The following GAREM1 variants were observed in gnomAD, a reference collection of about 807,000 sequenced individuals.
GAREM1 encodes the protein GRB2-associated and regulator of MAPK protein 1.
GAREM1 carries 26 observed loss-of-function variants against 71.3 expected under a neutral mutation model. The ratio of observed to expected loss-of-function variants is 0.36; its 90% CI spans 0.27 to 0.51. GAREM1 has a LOEUF of 0.51. GAREM1 is among the 20% of genes least tolerant of loss of function. The pLI is 0.95. For synonymous variants in GAREM1, 440 were observed against 433.2 expected, an observed-to-expected ratio of 1.02 and a Z score of -0.20; for missense variants, 1,026 against 1,103.1, an observed-to-expected ratio of 0.93 and a Z score of 0.99.
intron 2 of GAREM1, among the ~76,000 whole-genome samples, chr18:32,365,325 A>G (rs2047920362): frequency 6.6e-6 from 1 of 152,350 alleles, no homozygotes; most frequent in South Asian, 2.1e-4. Context: ...TTTATTCAAC[A>G]GAACAAAAAA....
At chr18:32,362,419 T>A (rs1267619436) in intron 2 of GAREM1, among the ~76,000 whole-genome samples, 1 of 152,208 alleles carries the variant, frequency 6.6e-6, no homozygotes, top group East Asian at 1.9e-4. Context: ...ACAAATAATA[T>A]TTGAAATTAC....
intron 3 of GAREM1, 112 bp downstream of exon 3, chr18:32,310,081 G>C (rs1197229170): frequency 8.2e-7 from 1 of 1,216,116 alleles, no homozygotes; most frequent in East Asian, 2.4e-5. Flanking sequence ...CTAACTATTA[G>C]AAGATAAAAC....
At chr18:32,380,198 G>A (rs1040417394) in intron 2 of GAREM1, among the ~76,000 whole-genome samples, 11 of 152,048 alleles carry the variant, frequency 7.2e-5, no homozygotes, top group African/African-American at 1.9e-4. Flanking sequence ...AGTCTCGGCC[G>A]GGAGCAGTGG....
chr18:32,384,134 T>C (rs1291619637), intron 2 of GAREM1, among the ~76,000 whole-genome samples: 1 of 152,188 alleles, frequency 6.6e-6, no homozygotes, highest in Non-Finnish European at 1.5e-5. Flanking sequence ...AATAATTAAA[T>C]CACTACCATC....
chr18:32,364,026 ATGTTT>A (rs1164760601), intron 2 of GAREM1, among the ~76,000 whole-genome samples: 3 of 46,418 alleles, frequency 6.5e-5, no homozygotes, highest in African/African-American at 4.9e-4. Context: ...ATATATATAT[ATGTTT>A]TTTTTTTTTT....
rs969063340 is a variant in GAREM1 at position 32,420,737 on chromosome 18, C to T, written c.122-27702G>A. ...ACCAGCCTGGGCAACACAGTGAGAC[C>T]CCCTTCTCTTCAAAAATGAAAAAAA... is the stretch of plus-strand genomic sequence containing the variant. On this transcript the variant is annotated intron_variant, in intron 1 of 5. Transcript: ENST00000269209. Among the ~76,000 whole-genome samples, 3 of 150,330 alleles carry T rather than the reference C, an allele frequency of 2.0e-5. No homozygotes were observed. In the Admixed American group the frequency reaches 2.0e-4, roughly 10 times the overall value.
chr18:32,341,875 T>C (rs2047651080), intron 2 of GAREM1, among the ~76,000 whole-genome samples: 1 of 152,028 alleles, frequency 6.6e-6, no homozygotes, highest in Non-Finnish European at 1.5e-5. Flanking sequence ...GATAAAATCA[T>C]CGGCGATGGG....
chr18:32,350,758 A>C (rs1005587121), intron 2 of GAREM1, among the ~76,000 whole-genome samples: 18 of 152,178 alleles, frequency 1.2e-4, no homozygotes, highest in South Asian at 4.1e-4. Context: ...GTAGAAACAA[A>C]CAACCAAGTG....
At chr18:32,337,625 C>T (rs2047610144) in intron 2 of GAREM1, among the ~76,000 whole-genome samples, 2 of 152,158 alleles carry the variant, frequency 1.3e-5, no homozygotes. Flanking sequence ...GCAGAATATT[C>T]AAAACTAAGA....
At chr18:32,377,414 C>T (rs1005869661) in intron 2 of GAREM1, among the ~76,000 whole-genome samples, 2 of 152,088 alleles carry the variant, frequency 1.3e-5, no homozygotes, top group Admixed American at 6.6e-5. Flanking sequence ...TCTTATTGGG[C>T]GAGTGAGGCA....
intron 1 of GAREM1, among the ~76,000 whole-genome samples, chr18:32,449,852 T>C (rs1246291776): frequency 2.0e-5 from 3 of 152,176 alleles, no homozygotes; most frequent in South Asian, 2.1e-4. Context: ...ATACATAATC[T>C]TGAAGGGAGG....
intron 3 of GAREM1, among the ~76,000 whole-genome samples, chr18:32,300,032 G>C (rs571649692): frequency 6.6e-6 from 1 of 152,308 alleles, no homozygotes; most frequent in Non-Finnish European, 1.5e-5. Flanking sequence ...ACAGGAGACA[G>C]TGATAAGTTT....
intron 1 of GAREM1, among the ~76,000 whole-genome samples, chr18:32,406,619 G>A (rs1567998811): frequency 6.6e-6 from 1 of 152,168 alleles, no homozygotes; most frequent in African/African-American, 2.4e-5. Flanking sequence ...AGTCAAAAAA[G>A]TGAGAAGAAC....
At chr18:32,427,915 A>G (rs1416625275) in intron 1 of GAREM1, among the ~76,000 whole-genome samples, 5 of 152,166 alleles carry the variant, frequency 3.3e-5, no homozygotes, top group Admixed American at 3.3e-4. Context: ...GAATAAAGGG[A>G]AAAAAAGGGG....
At chr18:32,298,365 G>A (rs938850988) in intron 3 of GAREM1, among the ~76,000 whole-genome samples, 1 of 151,766 alleles carries the variant, frequency 6.6e-6, no homozygotes, top group African/African-American at 2.4e-5. Flanking sequence ...AGTCTCCTCA[G>A]GTTTCTACAG....
At chr18:32,379,966 CCTT>C (rs1305621559) in intron 2 of GAREM1, among the ~76,000 whole-genome samples, 1 of 151,972 alleles carries the variant, frequency 6.6e-6, no homozygotes, top group African/African-American at 2.4e-5. Context: ...ACAGATACAC[CCTT>C]TTTTAAAATA....
At chr18:32,463,073 A>T (rs1275167717) in intron 1 of GAREM1, among the ~76,000 whole-genome samples, 3 of 142,950 alleles carry the variant, frequency 2.1e-5, no homozygotes, top group African/African-American at 8.0e-5. Flanking sequence ...AGAGGATTTT[A>T]TATGTTCCCA....
intron 2 of GAREM1, among the ~76,000 whole-genome samples, chr18:32,333,093 A>G (rs1223930035): frequency 1.3e-5 from 2 of 151,652 alleles, no homozygotes; most frequent in Non-Finnish European, 2.9e-5. Flanking sequence ...TTGATTAAAT[A>G]GTGAGACCTA....
intron 1 of GAREM1, among the ~76,000 whole-genome samples, chr18:32,456,054 T>TA (rs1260807744): frequency 1.3e-5 from 2 of 152,128 alleles, no homozygotes; most frequent in East Asian, 1.9e-4. Flanking sequence ...TACAAAATCT[T>TA]AGAGACTACA....
Sources: allele counts gnomAD v4.1 joint callset (sites outside exome capture counted in the v4.1 genomes callset), GRCh38; gene constraint gnomAD v4.1.1; transcripts MANE v1.5; gene names NCBI Gene and HGNC (gene_info 2026-07-23, HGNC 2026-07-21).